Variants in DPF3 observed in about 807,000 individuals in gnomAD.
DPF3 encodes double PHD fingers 3, also known as zinc finger protein DPF3.
Under a neutral mutation model 56.8 loss-of-function variants are expected in DPF3, and 18 were observed. The ratio of observed to expected loss-of-function variants is 0.32; its 90% confidence interval spans 0.22 to 0.47. The LOEUF (loss-of-function observed/expected upper bound fraction) is 0.47, where lower values mean the gene tolerates loss of function less well. DPF3 is among the 20% of genes least tolerant of loss of function. DPF3 has a pLI of 1.00. For synonymous variants in DPF3, 188 were observed against 180.2 expected, an observed-to-expected ratio of 1.04 and a Z score of -0.35; for missense variants, 403 against 488.8, an observed-to-expected ratio of 0.82 and a Z score of 1.65.
chr14:72,620,216 G>C (rs35266421), intron 9 of DPF3, among the ~76,000 whole-genome samples: 39,570 of 151,974 alleles, frequency 0.26, 6,945 homozygotes, highest in Non-Finnish European at 0.37. Flanking sequence ...TTAGGGTTCT[G>C]CTCAACTCGT....
At chr14:72,761,009 G>C (rs1014168129) in intron 2 of DPF3, among the ~76,000 whole-genome samples, 1 of 151,564 alleles carries the variant, frequency 6.6e-6, no homozygotes, top group African/African-American at 2.4e-5. Context: ...AATGATAAAG[G>C]AATCAATTTA....
At chr14:72,827,488 CTTTTTTTT>C (rs1182260007) in intron 1 of DPF3, among the ~76,000 whole-genome samples, 81 of 78,310 alleles carry the variant, frequency 1.0e-3, no homozygotes, top group African/African-American at 3.8e-3. Flanking sequence ...TCCCTTTACT[CTTTTTTTT>C]TTTTTTTTTT....
intron 3 of DPF3, among the ~76,000 whole-genome samples, chr14:72,739,818 G>C (rs138207224): frequency 6.6e-6 from 1 of 152,156 alleles, no homozygotes; most frequent in African/African-American, 2.4e-5. Context: ...ACTATGTATC[G>C]ACTCTGTTCT....
chr14:72,880,401 C>T (rs879820252), intron 1 of DPF3, among the ~76,000 whole-genome samples: 11 of 152,220 alleles, frequency 7.2e-5, no homozygotes, highest in Non-Finnish European at 1.5e-4. Flanking sequence ...CCTGAAGACA[C>T]ATCACCAAAC....
chr14:72,616,104 T>TACCA lies in DPF3; in HGVS notation c.*3189_*3192dup, dbSNP rs1884071367. Among the ~76,000 whole-genome samples, 1 of 152,216 alleles carries TACCA rather than the reference T, an allele frequency of 6.6e-6. No individual in the cohort carries two copies. The highest frequency in any genetic ancestry group is 2.4e-5 in the African/African-American group (1 of 41,450). ...CATGCCAGACCCGGGCCAGGATCTT[T>TACCA]ACCAATGTCACCTTGAATACCTGCA... On this transcript the variant is annotated 3_prime_UTR_variant, in exon 11 of 11. Coordinates refer to ENST00000556509, the MANE Select transcript of DPF3 (RefSeq NM_001280542.3).
chr14:72,772,024 G>C, intron 1 of DPF3, 131 bp from the exon 2 acceptor site: 1 of 986,544 alleles, frequency 1.0e-6, no homozygotes. Context: ...CCAAGGCAAT[G>C]AGCACCAAGA....
intron 7 of DPF3, among the ~76,000 whole-genome samples, chr14:72,679,630 C>T (rs1887070495): frequency 6.6e-6 from 1 of 152,254 alleles, no homozygotes; most frequent in Non-Finnish European, 1.5e-5. Context: ...GCTGACAGTT[C>T]CCGTGTCCCT....
chr14:72,721,665 CT>C (rs774889830), intron 5 of DPF3, among the ~76,000 whole-genome samples: 111 of 152,094 alleles, frequency 7.3e-4, no homozygotes, highest in Non-Finnish European at 1.4e-3. Flanking sequence ...GGGTATGCCC[CT>C]GATGTGATAC....
intron 2 of DPF3, among the ~76,000 whole-genome samples, chr14:72,766,245 G>A (rs955508329): frequency 5.9e-5 from 9 of 152,158 alleles, no homozygotes; most frequent in Admixed American, 2.0e-4. Context: ...AGATGAAATA[G>A]ATACACTTTT....
In DPF3 at chr14:72,840,604, C is replaced by T. The variant is rs537848429; in HGVS notation, c.32+53453G>A. Among the ~76,000 whole-genome samples the T allele has an allele frequency of 1.2e-4, 19 of 152,298 alleles. 1 individual carries two copies. The South Asian group carries it at 3.9e-3, about 32-fold the overall frequency. On this transcript the variant is annotated intron_variant, in intron 1 of 10. Transcript: ENST00000556509. ...ATTGTTTAACAAAAATGGAATTATA[C>T]ATCATACACAGTCTCTCCCTCTTTT...
At chr14:72,747,054 C>G (rs1364978448) in intron 3 of DPF3, among the ~76,000 whole-genome samples, 1 of 152,222 alleles carries the variant, frequency 6.6e-6, no homozygotes, top group Non-Finnish European at 1.5e-5. Context: ...CAAGAAATAG[C>G]TGCCTGCCTC....
At chr14:72,631,748 C>T (rs1346649326) in intron 8 of DPF3, among the ~76,000 whole-genome samples, 1 of 152,204 alleles carries the variant, frequency 6.6e-6, no homozygotes, top group Non-Finnish European at 1.5e-5. Context: ...TCCAGCCTAG[C>T]CAAAGAGGCC....
chr14:72,740,716 G>T (rs746525110), intron 3 of DPF3, among the ~76,000 whole-genome samples: 53 of 152,216 alleles, frequency 3.5e-4, no homozygotes, highest in Non-Finnish European at 6.5e-4. Flanking sequence ...GCCTGGCCTG[G>T]CATACCATGG....
intron 1 of DPF3, among the ~76,000 whole-genome samples, chr14:72,813,253 T>G (rs1224612964): frequency 1.3e-5 from 2 of 152,084 alleles, no homozygotes; most frequent in Admixed American, 1.3e-4. Flanking sequence ...GGGAGCCGTC[T>G]GGTAGCAGGG....
chr14:72,829,714 A>G (rs574907371), intron 1 of DPF3, among the ~76,000 whole-genome samples: 1 of 151,654 alleles, frequency 6.6e-6, no homozygotes, highest in South Asian at 2.1e-4. Flanking sequence ...TCCTAGATAA[A>G]GTAATTCCTA....
intron 8 of DPF3, among the ~76,000 whole-genome samples, chr14:72,636,140 T>C (rs943084729): frequency 6.6e-6 from 1 of 152,184 alleles, no homozygotes; most frequent in Non-Finnish European, 1.5e-5. Context: ...ATAAAATACA[T>C]AGAATCAATT....
At chr14:72,645,329 C>T (rs1371606883) in intron 8 of DPF3, among the ~76,000 whole-genome samples, 1 of 150,654 alleles carries the variant, frequency 6.6e-6, no homozygotes, top group Non-Finnish European at 1.5e-5. Context: ...GGGTTTCACT[C>T]TGTCACCCAG....
At chr14:72,885,192 G>C (rs1432668419) in intron 1 of DPF3, among the ~76,000 whole-genome samples, 1 of 150,210 alleles carries the variant, frequency 6.7e-6, no homozygotes, top group African/African-American at 2.4e-5. Context: ...TGGGAGAATT[G>C]AGTCTCTGGG....
chr14:72,864,046 T>C (rs1885561956), intron 1 of DPF3, among the ~76,000 whole-genome samples: 1 of 152,094 alleles, frequency 6.6e-6, no homozygotes, highest in African/African-American at 2.4e-5. Flanking sequence ...GGCTGAAATG[T>C]GAATGTTGGT....
Sources: allele counts gnomAD v4.1 joint callset (sites outside exome capture counted in the v4.1 genomes callset), GRCh38; gene constraint gnomAD v4.1.1; transcripts MANE v1.5; gene names NCBI Gene and HGNC (gene_info 2026-07-23, HGNC 2026-07-21).